Variants in SNTG1 observed in about 807,000 individuals in gnomAD.
The protein encoded by SNTG1 is syntrophin gamma 1, also known as gamma-1-syntrophin.
SNTG1 carries 39 observed loss-of-function variants against 74.7 expected under a neutral mutation model. The ratio of observed to expected loss-of-function variants is 0.52; its 90% confidence interval spans 0.40 to 0.68. The LOEUF (loss-of-function observed/expected upper bound fraction) is 0.68, where lower values mean the gene tolerates loss of function less well. Among genes scored for constraint, SNTG1 ranks in the 30% least tolerant of loss-of-function variants. The probability of loss-of-function intolerance (pLI) is 0.00; values close to 1 mark genes in which losing one functional copy is unlikely to be tolerated. For missense variants in SNTG1, 685 were observed against 609.5 expected (o/e 1.12, Z -1.30); for synonymous variants, 254 against 217.1 (o/e 1.17, Z -1.49).
At chr8:50,080,208 T>C (rs1402481375) in intron 1 of SNTG1, among the ~76,000 whole-genome samples, 2 of 152,212 alleles carry the variant, frequency 1.3e-5, no homozygotes, top group African/African-American at 2.4e-5. Flanking sequence ...TTTATCATTA[T>C]GAGATGTCCT....
chr8:49,914,381 T>C (rs1475699714), intron 1 of SNTG1, among the ~76,000 whole-genome samples: 1 of 151,158 alleles, frequency 6.6e-6, no homozygotes, highest in Non-Finnish European at 1.5e-5. Flanking sequence ...AAAAAAGTTT[T>C]ATTGGATAAG....
chr8:50,634,338 A>G (rs1362272341), intron 13 of SNTG1, among the ~76,000 whole-genome samples: 3 of 152,126 alleles, frequency 2.0e-5, no homozygotes, highest in African/African-American at 7.2e-5. Context: ...TGCTGGTCAA[A>G]TTGTCTGGGT....
intron 17 of SNTG1, among the ~76,000 whole-genome samples, chr8:50,739,447 A>G (rs1223836710): frequency 6.6e-6 from 1 of 152,086 alleles, no homozygotes; most frequent in African/African-American, 2.4e-5. Context: ...AAATAGGAAC[A>G]CTTTTACACT....
At chr8:50,098,437 C>T (rs1357487350) in intron 1 of SNTG1, among the ~76,000 whole-genome samples, 5 of 152,160 alleles carry the variant, frequency 3.3e-5, no homozygotes, top group Admixed American at 3.3e-4. Flanking sequence ...ATAATACCAT[C>T]TAACAACTAT....
chr8:50,526,225 T>C (rs1203604506), intron 9 of SNTG1, among the ~76,000 whole-genome samples: 5 of 152,168 alleles, frequency 3.3e-5, no homozygotes, highest in African/African-American at 1.2e-4. Flanking sequence ...TGTCTATCAG[T>C]GCACCCAGTC....
intron 3 of SNTG1, among the ~76,000 whole-genome samples, chr8:50,401,115 ACT>A (rs921486427): frequency 3.9e-5 from 6 of 152,150 alleles, no homozygotes; most frequent in African/African-American, 1.4e-4. Flanking sequence ...TAATTAATTA[ACT>A]CTGAGGATAA....
chr8:50,499,418 G>T (rs2093931563), intron 8 of SNTG1, among the ~76,000 whole-genome samples: 2 of 149,352 alleles, frequency 1.3e-5, no homozygotes, highest in Admixed American at 6.7e-5. Flanking sequence ...ATTAGTTCCA[G>T]GAGCTTTTTT....
intron 1 of SNTG1, among the ~76,000 whole-genome samples, chr8:50,156,629 C>T (rs1273262071): frequency 6.6e-6 from 1 of 151,698 alleles, no homozygotes; most frequent in African/African-American, 2.4e-5. Flanking sequence ...CCTAGTTGTG[C>T]CCATGGACAA....
chr8:50,755,571 T>C (rs931693606), intron 18 of SNTG1, among the ~76,000 whole-genome samples: 1 of 151,906 alleles, frequency 6.6e-6, no homozygotes, highest in African/African-American at 2.4e-5. Flanking sequence ...TAAACATCCA[T>C]ATTCAGGTTT....
intron 13 of SNTG1, among the ~76,000 whole-genome samples, chr8:50,627,711 A>G (rs2094966199): frequency 6.6e-6 from 1 of 152,184 alleles, no homozygotes. Flanking sequence ...TCTAATTATC[A>G]GTTTATTATA....
At chr8:50,349,391 T>C (rs1563927889) in intron 2 of SNTG1, among the ~76,000 whole-genome samples, 1 of 152,164 alleles carries the variant, frequency 6.6e-6, no homozygotes, top group East Asian at 1.9e-4. Flanking sequence ...TAATTATACT[T>C]TAAGTTCTAG....
rs2093576027 is a variant in SNTG1, at chr8:50,462,794, C to CTTTTTTTTTTTTTTTTTTT, written c.363+12066_363+12067insTTTTTTTTTTTTTTTTTTT. Among the ~76,000 whole-genome samples the CTTTTTTTTTTTTTTTTTTT allele has an allele frequency of 2.1e-4, 9 of 43,628 alleles. 4 individuals carry two copies. The highest frequency in any genetic ancestry group is 3.7e-4 in the African/African-American group (5 of 13,402). The allele number at this position is 43,628 out of a possible 152,430, so 28.6% of individuals were successfully genotyped here. On this transcript the variant is annotated intron_variant, in intron 8 of 18. Coordinates refer to ENST00000642720, the MANE Select transcript of SNTG1 (RefSeq NM_018967.5). ...AACTCAGTCGCATCTTCAGGTTCTACTCTTTTTTTTTTTTTTTTTTTTTTT... is the reference window on the plus strand; with the variant it reads ...AACTCAGTCGCATCTTCAGGTTCTACTTTTTTTTTTTTTTTTTTTTCTTTTTTTTTTTTTTTTTTTTTTT...
intron 15 of SNTG1, among the ~76,000 whole-genome samples, chr8:50,690,725 T>A (rs1726357732): frequency 6.6e-6 from 1 of 152,214 alleles, no homozygotes. Context: ...GTATATTCTG[T>A]TGATTTGGTG....
intron 4 of SNTG1, among the ~76,000 whole-genome samples, chr8:50,434,240 T>A (rs569168650): frequency 6.6e-6 from 1 of 152,290 alleles, no homozygotes; most frequent in South Asian, 2.1e-4. Context: ...TATGGCTGCA[T>A]AGTATTCCAT....
At position 50,196,569 on chromosome 8, in the gene SNTG1, T is replaced by C. The variant is rs16914462; in HGVS notation, c.-28+23934T>C. Among the ~76,000 whole-genome samples the C allele has an allele frequency of 8.1e-3, 1,232 of 152,212 alleles. 20 individuals are homozygous for C. Among genetic ancestry groups the C allele is most frequent in the African/African-American group, 0.028 (1,183 of 41,530 alleles). On this transcript the variant is annotated intron_variant, in intron 2 of 18. Coordinates refer to ENST00000642720, the MANE Select transcript of SNTG1 (RefSeq NM_018967.5). ...TGTCTGCTTTCTTTTTTAATTTCAT[T>C]CTATGTAGAAAAGTACTCTTCATAG...
At chr8:50,362,793 A>G (rs1432264120) in intron 2 of SNTG1, among the ~76,000 whole-genome samples, 1 of 152,146 alleles carries the variant, frequency 6.6e-6, no homozygotes, top group Non-Finnish European at 1.5e-5. Context: ...TGGGAAGTAT[A>G]CTTTACTCTG....
intron 18 of SNTG1, among the ~76,000 whole-genome samples, chr8:50,775,720 T>A (rs910114588): frequency 2.6e-5 from 4 of 151,848 alleles, no homozygotes; most frequent in Admixed American, 2.0e-4. Flanking sequence ...GTTGAAGTCT[T>A]CAATGTAATT....
chr8:50,032,301 A>C (rs1055942654), intron 1 of SNTG1, among the ~76,000 whole-genome samples: 1 of 151,014 alleles, frequency 6.6e-6, no homozygotes, highest in Admixed American at 6.6e-5. Context: ...TTTTATGCTT[A>C]TTATTGTTTA....
intron 18 of SNTG1, among the ~76,000 whole-genome samples, chr8:50,777,245 T>C (rs969670533): frequency 6.8e-6 from 1 of 147,428 alleles, no homozygotes; most frequent in Non-Finnish European, 1.5e-5. Flanking sequence ...AATAATATAA[T>C]ATATATAATA....
Sources: gnomAD v4.1 joint callset for allele counts (sites outside exome capture counted in the v4.1 genomes callset) on GRCh38, gnomAD v4.1.1 for gene constraint, MANE v1.5 for transcripts, NCBI Gene and HGNC (gene_info 2026-07-23, HGNC 2026-07-21) for gene names.